IRAG1: variants seen among roughly 807,000 people sequenced by gnomAD.
The protein encoded by IRAG1 is IP3R-associated cGMP kinase substrate.
Under a neutral mutation model 106.2 loss-of-function variants are expected in IRAG1, and 62 were observed. The observed-to-expected ratio is 0.58, with a 90% CI of 0.48 to 0.72. The LOEUF (loss-of-function observed/expected upper bound fraction) is 0.72. Ranked by LOEUF, IRAG1 falls within the 30% of genes least tolerant of loss-of-function variation. The pLI is 0.00. For missense variants in IRAG1, 1,064 were observed against 1,140.7 expected (o/e 0.93, Z 0.97); for synonymous variants, 462 against 443.9 (o/e 1.04, Z -0.51).
chr11:10,580,645 T>C (rs995152041), intron 19 of IRAG1, 56 bp from the exon 20 acceptor site: 4 of 1,587,646 alleles, frequency 2.5e-6, no homozygotes, highest in African/African-American at 1.4e-5. Flanking sequence ...GTGCATCCTT[T>C]CCTGAGTTCC....
chr11:10,580,008 G>T (rs183835783), intron 20 of IRAG1, among the ~76,000 whole-genome samples: 2 of 152,190 alleles, frequency 1.3e-5, no homozygotes, highest in Non-Finnish European at 2.9e-5. Flanking sequence ...CCTCTATTCC[G>T]TGTGTCCTCC....
At chr11:10,597,528 C>T (rs1591576799) in intron 15 of IRAG1, among the ~76,000 whole-genome samples, 1 of 151,780 alleles carries the variant, frequency 6.6e-6, no homozygotes, top group East Asian at 1.9e-4. Context: ...GAGATAGGGT[C>T]TCACTTTGTT....
At chr11:10,661,599 G>A (rs1859408687) in intron 1 of IRAG1, among the ~76,000 whole-genome samples, 1 of 152,134 alleles carries the variant, frequency 6.6e-6, no homozygotes, top group African/African-American at 2.4e-5. Flanking sequence ...TCGTTGGCTG[G>A]TGACCCTTTT....
rs767222615 is a variant in IRAG1, at chr11:10,626,034, G to C, written c.1300C>G (p.Pro434Ala). The C allele has an allele frequency of 1.3e-6, 2 of 1,511,892 alleles. No homozygotes were observed. The highest frequency in any genetic ancestry group is 1.3e-5 in the South Asian group (1 of 74,352). 93.7% of individuals were successfully genotyped at this position (1,511,892 alleles called of 1,614,324 possible). ...TGTATCTGAAAGTCTTTGAGACCAGGGGCCTTGGCCAGCTTGCCGCCGGCC... is the reference window on the plus strand; with the variant it reads ...TGTATCTGAAAGTCTTTGAGACCAGCGGCCTTGGCCAGCTTGCCGCCGGCC... ...GKAGGKLAKA[P>A]GLKDFQIQVQ... The change falls in exon 9 of 21, where the codon CCT becomes GCT. Residue 434 changes from proline to alanine, a missense_variant. Pro to Ala is a conservative substitution (Grantham distance 27). Transcript: ENST00000423302.
At chr11:10,599,899 A>G (rs1469103676) in intron 15 of IRAG1, 1 of 152,224 alleles carries the variant, frequency 6.6e-6, no homozygotes, top group East Asian at 1.9e-4. Context: ...TAATCTAAAA[A>G]TAAAGGCTGA....
intron 1 of IRAG1, among the ~76,000 whole-genome samples, chr11:10,689,668 C>G (rs1052763760): frequency 1.3e-5 from 2 of 152,152 alleles, no homozygotes; most frequent in African/African-American, 4.8e-5. Flanking sequence ...GCTAAAATGA[C>G]TCTATGTTAT....
chr11:10,656,795 C>T (rs1442535035), intron 1 of IRAG1, among the ~76,000 whole-genome samples: 2 of 152,102 alleles, frequency 1.3e-5, no homozygotes, highest in Admixed American at 6.5e-5. Flanking sequence ...CTCCTAGGCC[C>T]GCCATCTTTC....
chr11:10,629,715 C>G lies in IRAG1; in HGVS notation c.401-4G>C. 2 of 1,612,200 alleles carry G rather than the reference C, an allele frequency of 1.2e-6. No homozygotes were observed. The highest frequency in any genetic ancestry group is 2.2e-5 in the East Asian group (1 of 44,862). On this transcript the variant is annotated splice_region_variant and splice_polypyrimidine_tract_variant and intron_variant, in intron 4 of 20. Transcript: ENST00000423302. ...TCAATGATGTGCCCCGCGGGGTCTG[C>G]AGAAGGAGGATGAGCTGGGGTGAGA...
At chr11:10,576,616 G>A (rs1850833666) in intron 20 of IRAG1, 41 bp from the exon 21 acceptor site, 1 of 1,610,502 alleles carries the variant, frequency 6.2e-7, no homozygotes, top group Non-Finnish European at 8.5e-7. Context: ...TAGTATACTG[G>A]GCACACATAT....
At chr11:10,687,632 A>G in intron 1 of IRAG1, 1 of 1,229,856 alleles carries the variant, frequency 8.1e-7, no homozygotes, top group Non-Finnish European at 1.0e-6. Context: ...GGGCCTCCTT[A>G]AAGACTTCAC....
At chr11:10,670,723 C>A (rs1860151242) in intron 1 of IRAG1, among the ~76,000 whole-genome samples, 1 of 152,122 alleles carries the variant, frequency 6.6e-6, no homozygotes. Flanking sequence ...TTAGAATAGA[C>A]CCTAATCCAA....
At chr11:10,674,150 G>C (rs945782339) in intron 1 of IRAG1, among the ~76,000 whole-genome samples, 1 of 152,218 alleles carries the variant, frequency 6.6e-6, no homozygotes, top group Admixed American at 6.5e-5. Context: ...ACTGAGCTCA[G>C]AGGTAAGAGA....
At chr11:10,638,816 T>A (rs1857318176) in intron 2 of IRAG1, among the ~76,000 whole-genome samples, 1 of 152,216 alleles carries the variant, frequency 6.6e-6, no homozygotes, top group Non-Finnish European at 1.5e-5. Flanking sequence ...CATGTTGTAT[T>A]CTGAAAAAAT....
In IRAG1 at chr11:10,639,681, A is replaced by G. The variant is rs116165022; in HGVS notation, c.226-5610T>C. Among the ~76,000 whole-genome samples, 617 of 151,932 alleles carry G rather than the reference A, an allele frequency of 4.1e-3. 2 individuals carry two copies. Among genetic ancestry groups the G allele is most frequent in the African/African-American group, 0.014 (591 of 41,420 alleles). ...GCCTCCCTGCCCAGATCCTCTGTCT[A>G]CCTTCTTTCTCTTTTTCTCCTGCTC... On this transcript the variant is annotated intron_variant, in intron 2 of 20. Transcript: ENST00000423302.
rs201945702 is a variant in IRAG1 at position 10,591,595 on chromosome 11, C to T, written c.2193G>A (p.Gly731=). The part of the protein sequence containing the change: ...SLPALSESPN[G]KGSLPVTSAL... ...CTGAAGTGACAGGTAGGCTGCCTTT[C>T]CCATTGGGTGATTCCGACTGAGTGA... The change falls in exon 18 of 21, where the codon GGG becomes GGA. Residue 731 remains glycine (G), a synonymous_variant. Coordinates refer to ENST00000423302, the MANE Select transcript of IRAG1 (RefSeq NM_130385.4). 2.0e-4 allele frequency: 325 copies of T among 1,596,444 alleles called. No homozygotes were observed. Among genetic ancestry groups the T allele is most frequent in the Non-Finnish European group, 2.6e-4 (303 of 1,171,476 alleles).
intron 1 of IRAG1, among the ~76,000 whole-genome samples, chr11:10,686,871 T>C (rs1482789648): frequency 6.6e-6 from 1 of 152,212 alleles, no homozygotes; most frequent in African/African-American, 2.4e-5. Context: ...GCTCAAACAA[T>C]GGTAGTTCCT....
chr11:10,584,548 AATAT>A (rs56768282), intron 18 of IRAG1, among the ~76,000 whole-genome samples: 27,528 of 98,110 alleles, frequency 0.28, 4,365 homozygotes, highest in Middle Eastern at 0.39. Flanking sequence ...TCTTTCATGA[AATAT>A]ATATATATAT....
chr11:10,597,652 C>T (rs1853480646), intron 15 of IRAG1, among the ~76,000 whole-genome samples: 1 of 152,194 alleles, frequency 6.6e-6, no homozygotes, highest in South Asian at 2.1e-4. Flanking sequence ...CCACTGTACC[C>T]AGCTACCTGT....
intron 17 of IRAG1, among the ~76,000 whole-genome samples, chr11:10,592,524 C>G (rs1245353827): frequency 6.6e-6 from 1 of 152,112 alleles, no homozygotes; most frequent in Non-Finnish European, 1.5e-5. Context: ...TTACATAGAG[C>G]TTGAATTTCC....
Sources: gnomAD v4.1 joint callset for allele counts (sites outside exome capture counted in the v4.1 genomes callset) on GRCh38, gnomAD v4.1.1 for gene constraint, MANE v1.5 for transcripts, NCBI Gene and HGNC (gene_info 2026-07-23, HGNC 2026-07-21) for gene names.